ZNF160: variants seen among roughly 807,000 people sequenced by gnomAD.
ZNF160 encodes the protein zinc finger protein 160.
Under a neutral mutation model 13.1 loss-of-function variants are expected in ZNF160, and 9 were observed. That is an observed-to-expected ratio of 0.69 (90% CI 0.41 to 1.20). The LOEUF (loss-of-function observed/expected upper bound fraction) is 1.20. Ranked by LOEUF, ZNF160 falls within the 50% of genes most tolerant of loss-of-function variation. The probability of loss-of-function intolerance (pLI) is 0.01; values close to 1 mark genes in which losing one functional copy is unlikely to be tolerated. For missense variants in ZNF160, 838 were observed against 988.0 expected, an observed-to-expected ratio of 0.85 and a Z score of 2.04; for synonymous variants, 293 against 333.2, an observed-to-expected ratio of 0.88 and a Z score of 1.31.
At chr19:53,084,879 C>T (rs1040650861) in intron 3 of ZNF160, 3 of 151,600 alleles carry the variant, frequency 2.0e-5, no homozygotes, top group African/African-American at 4.8e-5. Flanking sequence ...ATCACTCTTC[C>T]AATCGTCCAG....
Position 53,068,520 on chromosome 19 carries a change from TATGG to T in ZNF160, c.2010_2013del (p.His671LeufsTer49). The T allele has an allele frequency of 6.2e-7, 1 of 1,613,892 alleles. No homozygotes were observed. The highest frequency in any genetic ancestry group is 8.5e-7 in the Non-Finnish European group (1 of 1,179,832). On this transcript the variant is annotated frameshift_variant, in exon 6 of 6. Coordinates refer to ENST00000683776, the MANE Select transcript of ZNF160 (RefSeq NM_001322131.2). LOFTEE classifies it low-confidence loss of function (END_TRUNC). ...TTACATTTGTAAGGCTTCTCTCCAGTATGGATGACCTTATGGGTAGTTAGGTTTG... is the reference window on the plus strand; with the variant it reads ...TTACATTTGTAAGGCTTCTCTCCAGTATGACCTTATGGGTAGTTAGGTTTG...
At position 53,069,929 on chromosome 19, in the gene ZNF160, T is replaced by C; in HGVS notation, c.605A>G (p.Tyr202Cys). ...LQLFQGEGKM[Y>C]ECNQVEKSTN... is the part of the protein sequence containing the mutation. Reference sequence around the variant, plus strand: ...AGACTTCTCAACTTGATTACATTCATACATTTTCCCCTCACCTTGAAATAG... The same window carrying C: ...AGACTTCTCAACTTGATTACATTCACACATTTTCCCCTCACCTTGAAATAG... The change falls in exon 6 of 6, where the codon TAT becomes TGT. Residue 202 changes from tyrosine (Y) to cysteine (C), a missense_variant. Around this residue, in one of 3 missense-constraint regions of ZNF160, gnomAD observed 387 missense variants for 402.3 expected, o/e 0.96. Coordinates refer to ENST00000683776, the MANE Select transcript of ZNF160 (RefSeq NM_001322131.2). The surrounding 1 kb of genome is among the most constrained non-coding windows in gnomAD (Gnocchi z 4.4). The C allele has an allele frequency of 1.9e-6, 3 of 1,614,186 alleles. No individual in the cohort carries two copies. The highest frequency in any genetic ancestry group is 2.5e-6 in the Non-Finnish European group (3 of 1,180,040).
chr19:53,092,029 A>G (rs1403652452), intron 1 of ZNF160, among the ~76,000 whole-genome samples: 2 of 152,210 alleles, frequency 1.3e-5, no homozygotes, highest in Non-Finnish European at 2.9e-5. Context: ...ACGGCCTCAA[A>G]TACCTTTGAG....
At chr19:53,102,029 T>C (rs1430985753) in intron 1 of ZNF160, among the ~76,000 whole-genome samples, 1 of 152,174 alleles carries the variant, frequency 6.6e-6, no homozygotes, top group Non-Finnish European at 1.5e-5. Flanking sequence ...CACTTTCACC[T>C]TGTCTCTCCA....
rs563110512 is a variant in ZNF160, at chr19:53,085,403, T to C, written c.15+859A>G. On this transcript the variant is annotated intron_variant, in intron 3 of 5. Transcript: ENST00000683776. Reference sequence around the variant, plus strand: ...TAAGATGTGAGGGAGGGTGGAAGGCTGGACAGGAAAAGGGATGCTTTACCT... The same window carrying C: ...TAAGATGTGAGGGAGGGTGGAAGGCCGGACAGGAAAAGGGATGCTTTACCT... 2.1e-3 allele frequency: 342 copies of C among 161,320 alleles called. 3 individuals carry two copies. Among genetic ancestry groups the C allele is most frequent in the African/African-American group, 7.8e-3 (327 of 41,714 alleles). The allele number at this position is 161,320 out of a possible 1,614,324, so 10.0% of individuals were successfully genotyped here.
At chr19:53,070,572 G>A (rs1428188825) in intron 5 of ZNF160, among the ~76,000 whole-genome samples, 2 of 151,946 alleles carry the variant, frequency 1.3e-5, no homozygotes, top group Non-Finnish European at 2.9e-5. Context: ...CACCACGCCT[G>A]GCTAATTTTG....
chr19:53,087,051 C>G (rs1488253450), intron 2 of ZNF160, among the ~76,000 whole-genome samples: 1 of 152,196 alleles, frequency 6.6e-6, no homozygotes, highest in Non-Finnish European at 1.5e-5. Context: ...AGATCACAAA[C>G]GTTTCCACGG....
chr19:53,075,787 C>T, intron 3 of ZNF160: 2 of 518,912 alleles, frequency 3.9e-6, no homozygotes, highest in South Asian at 2.8e-5. Context: ...CTCAAGCAAA[C>T]TAATCAATTT....
intron 2 of ZNF160, among the ~76,000 whole-genome samples, chr19:53,088,323 G>A (rs2084916987): frequency 6.6e-6 from 1 of 152,144 alleles, no homozygotes; most frequent in Non-Finnish European, 1.5e-5. Context: ...GGAAGAATCA[G>A]TGGAATGCTG....
At chr19:53,090,315 ATTTC>A (rs1205944437) in intron 2 of ZNF160, among the ~76,000 whole-genome samples, 1 of 150,004 alleles carries the variant, frequency 6.7e-6, no homozygotes, top group East Asian at 2.0e-4. Context: ...TTTTCTCTAT[ATTTC>A]TCCAGTTGCT....
In ZNF160 at chr19:53,069,897, T is replaced by C; in HGVS notation, c.637A>G (p.Asn213Asp). The change falls in exon 6 of 6, where the codon AAT becomes GAT. Residue 213 changes from asparagine (N) to aspartate (D), a missense_variant. Asn to Asp is a conservative substitution (Grantham distance 23, BLOSUM62 1). Coordinates refer to ENST00000683776, the MANE Select transcript of ZNF160 (RefSeq NM_001322131.2). This position sits in a 1 kb window ranked among gnomAD's most constrained non-coding sequence, Gnocchi z 4.4. ...ECNQVEKSTN[N>D]GSSVSPLQQI... ...TGAAGTGGTGACACTGAGGAACCAT[T>C]GTTGGTAGACTTCTCAACTTGATTA... The C allele has an allele frequency of 6.2e-7, 1 of 1,614,170 alleles. No homozygotes were observed. Among genetic ancestry groups the C allele is most frequent in the Non-Finnish European group, 8.5e-7 (1 of 1,180,030 alleles).
chr19:53,071,556 A>C (rs74738443), intron 5 of ZNF160, among the ~76,000 whole-genome samples: 2,796 of 149,928 alleles, frequency 0.019, 102 homozygotes, highest in African/African-American at 0.066. Context: ...AAAAAAAAAA[A>C]AAAGGCTGAG....
At chr19:53,100,250 G>A (rs2085392542) in intron 1 of ZNF160, among the ~76,000 whole-genome samples, 1 of 152,178 alleles carries the variant, frequency 6.6e-6, no homozygotes, top group Admixed American at 6.5e-5. Flanking sequence ...ACTTGAGGGG[G>A]ACATCTGCTT....
chr19:53,088,041 G>C (rs1450216340), intron 2 of ZNF160, among the ~76,000 whole-genome samples: 3 of 152,186 alleles, frequency 2.0e-5, no homozygotes, highest in African/African-American at 7.2e-5. Context: ...GGTGTGGACG[G>C]AGACAAGAAG....
Position 53,077,751 on chromosome 19 carries a change from A to C in ZNF160, c.16-2568T>G, listed in dbSNP as rs141750071. 0.013 allele frequency among the ~76,000 whole-genome samples: 1,936 copies of C among 151,632 alleles called. 30 individuals are homozygous for C. In the Middle Eastern group the frequency reaches 0.16, roughly 12 times the overall value. On this transcript the variant is annotated intron_variant, in intron 3 of 5. Coordinates refer to ENST00000683776, the MANE Select transcript of ZNF160 (RefSeq NM_001322131.2). ...TATTAAATCACCACAAAGTAATACT[A>C]AAGAAGCAGATATATATATATATAC...
chr19:53,096,255 T>G (rs2085230909), intron 1 of ZNF160, among the ~76,000 whole-genome samples: 1 of 152,204 alleles, frequency 6.6e-6, no homozygotes, highest in Non-Finnish European at 1.5e-5. Context: ...AATGAAATAT[T>G]AGGCCATTTT....
intron 2 of ZNF160, 99 bp from the exon 3 acceptor site, chr19:53,086,420 C>T: frequency 9.4e-7 from 1 of 1,065,988 alleles, no homozygotes; most frequent in Non-Finnish European, 1.3e-6. Flanking sequence ...GTGCCACAGT[C>T]ACACGCACAG....
At chr19:53,102,926 C>A (rs998919095) in intron 1 of ZNF160, among the ~76,000 whole-genome samples, 1 of 151,978 alleles carries the variant, frequency 6.6e-6, no homozygotes, top group Non-Finnish European at 1.5e-5. Flanking sequence ...AGGTGGGGGG[C>A]GACGGCGCCT....
Position 53,096,674 on chromosome 19 carries a change from C to T in ZNF160, c.-353-4954G>A, listed in dbSNP as rs2085249768. 3.9e-5 allele frequency among the ~76,000 whole-genome samples: 5 copies of T among 129,266 alleles called. No homozygotes were observed. In the South Asian group the frequency reaches 1.2e-3, roughly 31 times the overall value. 84.8% of individuals were successfully genotyped at this position (129,266 alleles called of 152,430 possible). On this transcript the variant is annotated intron_variant, in intron 1 of 5. Transcript: ENST00000683776. The stretch of plus-strand genomic sequence containing the variant: ...GTGGGGCAAACTGACTGCAGAACTG[C>T]AGGAAGTGAGAGTCTGAACAGAGCA...
Sources: gnomAD v4.1 joint callset for allele counts (sites outside exome capture counted in the v4.1 genomes callset) on GRCh38, gnomAD v4.1.1 for gene constraint, gnomAD v4.1.1 regional missense constraint, Gnocchi (gnomAD v3.1) non-coding constraint, MANE v1.5 for transcripts, NCBI Gene and HGNC (gene_info 2026-07-23, HGNC 2026-07-21) for gene names.